Variants in PPP1R42 observed in about 807,000 individuals in gnomAD.
PPP1R42 encodes protein phosphatase 1 regulatory subunit 42.
A neutral mutation model predicts 31.0 loss-of-function variants in PPP1R42; 34 were observed. The ratio of observed to expected loss-of-function variants is 1.10; its 90% confidence interval spans 0.83 to 1.46. PPP1R42 has a LOEUF of 1.46. PPP1R42 is among the 40% of genes most tolerant of loss of function. PPP1R42 has a pLI of 0.00. For missense variants in PPP1R42, 268 were observed against 303.0 expected (o/e 0.88, Z 0.86); for synonymous variants, 103 against 109.8 (o/e 0.94, Z 0.39).
At position 67,017,803 on chromosome 8, in the gene PPP1R42, A is replaced by G; in HGVS notation, c.-56T>C. 1 of 1,509,360 alleles carries G rather than the reference A, an allele frequency of 6.6e-7. No homozygotes were observed. The highest frequency in any genetic ancestry group is 8.8e-7 in the Non-Finnish European group (1 of 1,132,976). 93.5% of individuals were successfully genotyped at this position (1,509,360 alleles called of 1,614,324 possible). A position where few individuals can be genotyped will look rare whatever the true frequency, so the allele number is the denominator to read the frequency against. On this transcript the variant is annotated 5_prime_UTR_variant, in exon 2 of 8. Transcript: ENST00000685739. ...AGCTCTGTTTTGACACCATGTCAAGAAGTAGGTTTAGGTATTATTTCCAAC... is the reference window on the plus strand; with the variant it reads ...AGCTCTGTTTTGACACCATGTCAAGGAGTAGGTTTAGGTATTATTTCCAAC...
rs533045950 is a variant in PPP1R42, at chr8:67,018,033, ATACTCAT to A, written c.-84-209_-84-203del. 2.9e-3 allele frequency among the ~76,000 whole-genome samples: 438 copies of A among 152,266 alleles called. 2 individuals carry two copies. Among genetic ancestry groups the A allele is most frequent in the Admixed American group, 7.3e-3 (112 of 15,294 alleles). On this transcript the variant is annotated intron_variant, in intron 1 of 7. Coordinates refer to ENST00000685739, the MANE Select transcript of PPP1R42 (RefSeq NM_001364910.1). ...TTAAAGCATCAAAATTAAACGCACA[ATACTCAT>A]TACTCATTCACTTTTACTTTTAAAT...
At chr8:67,014,025 T>C (rs1193831999) in intron 3 of PPP1R42, among the ~76,000 whole-genome samples, 2 of 152,200 alleles carry the variant, frequency 1.3e-5, no homozygotes, top group Non-Finnish European at 2.9e-5. Flanking sequence ...ATGAGATATA[T>C]GATTCTGAAA....
chr8:67,002,917 G>A (rs1815543776), intron 5 of PPP1R42, among the ~76,000 whole-genome samples: 1 of 151,086 alleles, frequency 6.6e-6, no homozygotes, highest in Admixed American at 6.6e-5. Flanking sequence ...ACTTTGGGAG[G>A]CCGAGGCGGT....
chr8:67,006,502 A>AAT (rs1815681435), intron 5 of PPP1R42, among the ~76,000 whole-genome samples: 1 of 152,252 alleles, frequency 6.6e-6, no homozygotes, highest in Admixed American at 6.5e-5. Context: ...GTACAGGCAC[A>AAT]TGCCATCACA....
chr8:67,022,915 C>A (rs914967604), intron 1 of PPP1R42, among the ~76,000 whole-genome samples: 3 of 152,062 alleles, frequency 2.0e-5, no homozygotes, highest in Non-Finnish European at 2.9e-5. Context: ...TTTTTCATTT[C>A]ATGAAAAGTC....
intron 5 of PPP1R42, among the ~76,000 whole-genome samples, chr8:67,001,853 C>T (rs1382224541): frequency 6.6e-6 from 1 of 152,186 alleles, no homozygotes. Flanking sequence ...ATCCCAGCTA[C>T]AGTGAGGCTG....
At chr8:66,989,410 C>T (rs1815125523) in intron 5 of PPP1R42, among the ~76,000 whole-genome samples, 1 of 152,142 alleles carries the variant, frequency 6.6e-6, no homozygotes, top group Non-Finnish European at 1.5e-5. Context: ...TGCTTTCTCC[C>T]CTTCCCCGCT....
intron 1 of PPP1R42, chr8:67,027,092 G>C (rs1406963340): frequency 2.6e-5 from 4 of 151,842 alleles, no homozygotes; most frequent in Non-Finnish European, 4.4e-5. Flanking sequence ...GTAGAGATGG[G>C]GTTTTGCTAT....
intron 5 of PPP1R42, among the ~76,000 whole-genome samples, chr8:66,989,070 T>C (rs942739862): frequency 6.6e-6 from 1 of 152,182 alleles, no homozygotes; most frequent in African/African-American, 2.4e-5. Context: ...CTGTTATGTA[T>C]CCTTCTAATC....
chr8:66,994,376 T>C (rs912681827), intron 5 of PPP1R42, among the ~76,000 whole-genome samples: 1 of 152,196 alleles, frequency 6.6e-6, no homozygotes, highest in Non-Finnish European at 1.5e-5. Context: ...TTCTCTCTTT[T>C]CTTTCCACAG....
chr8:66,984,790 G>C, intron 6 of PPP1R42: 1 of 1,608,604 alleles, frequency 6.2e-7, no homozygotes, highest in South Asian at 1.1e-5. Context: ...CATCAAATTA[G>C]AAATTCTCAC....
At chr8:67,009,232 T>C (rs559739432) in intron 5 of PPP1R42, among the ~76,000 whole-genome samples, 1 of 151,666 alleles carries the variant, frequency 6.6e-6, no homozygotes. Flanking sequence ...ATCACGCCAC[T>C]GCACTCCAGC....
intron 1 of PPP1R42, among the ~76,000 whole-genome samples, chr8:67,023,112 T>C (rs527427283): frequency 2.6e-5 from 4 of 152,156 alleles, no homozygotes; most frequent in Non-Finnish European, 2.9e-5. Context: ...TTTTTTGTTT[T>C]GTTTTGTTTT....
intron 5 of PPP1R42, among the ~76,000 whole-genome samples, chr8:67,008,477 G>A (rs1186297798): frequency 6.6e-6 from 1 of 152,128 alleles, no homozygotes; most frequent in East Asian, 1.9e-4. Context: ...GGAGGCCGAG[G>A]CAGGTGGATC....
chr8:67,010,342 AAG>A (rs1018649239), intron 5 of PPP1R42, among the ~76,000 whole-genome samples: 2 of 152,248 alleles, frequency 1.3e-5, no homozygotes, highest in African/African-American at 4.8e-5. Flanking sequence ...AGAAGTAGCC[AAG>A]AGAGAGTTCA....
At chr8:66,997,139 C>A in intron 5 of PPP1R42, among the ~76,000 whole-genome samples, 1 of 151,968 alleles carries the variant, frequency 6.6e-6, no homozygotes, top group East Asian at 1.9e-4. Context: ...GGCAACAGAG[C>A]GAGACTCTTA....
chr8:66,983,715 CTG>C (rs1031676195), intron 6 of PPP1R42, among the ~76,000 whole-genome samples: 14 of 152,130 alleles, frequency 9.2e-5, no homozygotes, highest in African/African-American at 2.9e-4. Flanking sequence ...AGCCATAATA[CTG>C]TGTTATACCC....
Position 67,017,783 on chromosome 8 carries a change from T to G in PPP1R42, c.-36A>C. The G allele has an allele frequency of 6.5e-7, 1 of 1,546,056 alleles. No homozygotes were observed. The highest frequency in any genetic ancestry group is 8.7e-7 in the Non-Finnish European group (1 of 1,151,238). The stretch of plus-strand genomic sequence containing the variant: ...TAAATCAAACTCTCAGCAAAAGCTC[T>G]GTTTTGACACCATGTCAAGAAGTAG... On this transcript the variant is annotated 5_prime_UTR_variant, in exon 2 of 8. Coordinates refer to ENST00000685739, the MANE Select transcript of PPP1R42 (RefSeq NM_001364910.1).
chr8:67,007,004 A>G (rs1404934794), intron 5 of PPP1R42, among the ~76,000 whole-genome samples: 1 of 151,130 alleles, frequency 6.6e-6, no homozygotes, highest in Non-Finnish European at 1.5e-5. Context: ...CGGCCTCCCA[A>G]AGTGCTGGGA....
Sources: allele counts gnomAD v4.1 joint callset (sites outside exome capture counted in the v4.1 genomes callset), GRCh38; gene constraint gnomAD v4.1.1; transcripts MANE v1.5; gene names NCBI Gene and HGNC (gene_info 2026-07-23, HGNC 2026-07-21).